RAB5B: variants seen among roughly 807,000 people sequenced by gnomAD.
The protein encoded by RAB5B is RAB5B, member RAS oncogene family, also known as ras-related protein Rab-5B.
Under a neutral mutation model 28.6 loss-of-function variants are expected in RAB5B, and 11 were observed. That is an observed-to-expected ratio of 0.38 (90% CI 0.24 to 0.64). The LOEUF is 0.64. Ranked by LOEUF, RAB5B falls within the 30% of genes least tolerant of loss-of-function variation. The probability of loss-of-function intolerance (pLI) is 0.53; values close to 1 mark genes in which losing one functional copy is unlikely to be tolerated. For synonymous variants in RAB5B, 93 were observed against 97.9 expected, an observed-to-expected ratio of 0.95 and a Z score of 0.29; for missense variants, 169 against 265.6, an observed-to-expected ratio of 0.64 and a Z score of 2.53.
At chr12:55,978,504 A>C (rs947538416) in intron 1 of RAB5B, among the ~76,000 whole-genome samples, 2 of 150,950 alleles carry the variant, frequency 1.3e-5, no homozygotes, top group Non-Finnish European at 3.0e-5. Context: ...ACTCCGTCTC[A>C]GGAAAAAAAA....
At chr12:55,986,307 C>T (rs754345831) in intron 1 of RAB5B, among the ~76,000 whole-genome samples, 3 of 152,078 alleles carry the variant, frequency 2.0e-5, no homozygotes, top group African/African-American at 7.2e-5. Context: ...ATTAGCCAGG[C>T]GTGGTGGTGC....
At chr12:55,989,674 G>A (rs558093459) in intron 2 of RAB5B, among the ~76,000 whole-genome samples, 1 of 152,204 alleles carries the variant, frequency 6.6e-6, no homozygotes, top group Non-Finnish European at 1.5e-5. Context: ...AGGATGACTC[G>A]TATAAGTGCC....
chr12:55,990,273 T>C, intron 3 of RAB5B, 175 bp downstream of exon 3: 1 of 659,564 alleles, frequency 1.5e-6, no homozygotes, highest in Non-Finnish European at 2.4e-6. Flanking sequence ...TTGGGCGTGG[T>C]GGTGCGCGCC....
At chr12:55,982,519 C>T (rs1308333232) in intron 1 of RAB5B, among the ~76,000 whole-genome samples, 5 of 152,042 alleles carry the variant, frequency 3.3e-5, no homozygotes, top group Admixed American at 2.6e-4. Flanking sequence ...GTCTCAAACT[C>T]CTGGGCTCAA....
chr12:55,983,269 G>A (rs192746099), intron 1 of RAB5B, among the ~76,000 whole-genome samples: 20 of 152,112 alleles, frequency 1.3e-4, no homozygotes, highest in African/African-American at 4.3e-4. Flanking sequence ...TAGTAGAGAC[G>A]GGGTTTCACT....
intron 1 of RAB5B, among the ~76,000 whole-genome samples, chr12:55,977,787 G>A (rs980640406): frequency 2.6e-5 from 4 of 152,194 alleles, no homozygotes; most frequent in Non-Finnish European, 4.4e-5. Context: ...TGAATAAGGA[G>A]CTACCCAGGT....
chr12:55,980,803 G>T, intron 1 of RAB5B: 1 of 1,579,374 alleles, frequency 6.3e-7, no homozygotes, highest in South Asian at 1.1e-5. Flanking sequence ...CTCCACGGTA[G>T]TAGGCAGTAG....
In RAB5B at chr12:55,988,335, C is replaced by CA. The variant is rs561031173; in HGVS notation, c.163+1221dup. On this transcript the variant is annotated intron_variant, in intron 2 of 5. Transcript: ENST00000360299. ...CGAAGGAGCGAGACTGTTTCAAAAA[C>CA]AAAAAAAAATCTGGTAAAATAGAGG... 2.9e-4 allele frequency among the ~76,000 whole-genome samples: 43 copies of CA among 150,584 alleles called. No individual in the cohort carries two copies. The East Asian group carries it at 5.4e-3, about 19-fold the overall frequency.
chr12:55,987,160 G>C, intron 2 of RAB5B, 37 bp downstream of exon 2: 1 of 1,556,064 alleles, frequency 6.4e-7, no homozygotes, highest in Non-Finnish European at 8.7e-7. Context: ...TGAATGTTTG[G>C]TAAGGGTTTT....
intron 3 of RAB5B, 52 bp from the exon 4 acceptor site, chr12:55,990,630 G>T: frequency 6.2e-7 from 1 of 1,605,104 alleles, no homozygotes; most frequent in Non-Finnish European, 8.5e-7. Flanking sequence ...AAAGGTGATG[G>T]ATATGGATTG....
intron 1 of RAB5B, chr12:55,980,879 A>G (rs887561049): frequency 2.5e-6 from 4 of 1,611,524 alleles, no homozygotes; most frequent in African/African-American, 2.7e-5. Context: ...CTTCCCCTCT[A>G]TATCCACAGT....
At chr12:55,983,282 A>G (rs915188187) in intron 1 of RAB5B, among the ~76,000 whole-genome samples, 4 of 152,148 alleles carry the variant, frequency 2.6e-5, no homozygotes, top group Non-Finnish European at 5.9e-5. Flanking sequence ...GTTTCACTAT[A>G]TGTTGGCCAG....
intron 1 of RAB5B, chr12:55,985,739 C>A (rs1248795320): frequency 4.4e-6 from 2 of 455,984 alleles, no homozygotes. Flanking sequence ...CCTTTCTCTG[C>A]CTCTAATTTG....
chr12:55,989,960 C>T lies in RAB5B; in HGVS notation c.177C>T (p.Thr59=), dbSNP rs777771216. Residue 59 remains threonine (T), a synonymous_variant, in exon 3 of 6, where the codon ACC becomes ACT. Transcript: ENST00000360299. ...QESTIGAAFL[T]QSVCLDDTTV... is the part of the protein sequence containing the mutation. Reference sequence around the variant, plus strand: ...TCTCATCCATAGCGGCCTTCCTCACCCAGTCCGTTTGTCTAGATGACACAA... The same window carrying T: ...TCTCATCCATAGCGGCCTTCCTCACTCAGTCCGTTTGTCTAGATGACACAA... 3.1e-6 allele frequency: 5 copies of T among 1,613,334 alleles called. No homozygotes were observed. The Admixed American group carries it at 6.7e-5, about 22-fold the overall frequency.
chr12:55,980,739 T>C, intron 1 of RAB5B: 1 of 1,580,294 alleles, frequency 6.3e-7, no homozygotes, highest in South Asian at 1.1e-5. Flanking sequence ...CAGTTCTGAA[T>C]ATTCTCGAAA....
In RAB5B at chr12:55,994,964, A is replaced by G. The variant is rs1890244102; in HGVS notation, c.*2752A>G. ...TAGATTGTTCATCAAATCAAACCCT[A>G]TTATATCTTTTTAGGCCCTCTTAAC... is the stretch of plus-strand genomic sequence containing the variant. On this transcript the variant is annotated 3_prime_UTR_variant, in exon 6 of 6. Transcript: ENST00000360299. 2.0e-5 allele frequency: 3 copies of G among 152,016 alleles called. No homozygotes were observed. The highest frequency in any genetic ancestry group is 2.0e-4 in the Admixed American group (3 of 15,260). The allele number at this position is 152,016 out of a possible 1,614,324, so 9.4% of individuals were successfully genotyped here.
At chr12:55,977,019 G>T (rs1003169945) in intron 1 of RAB5B, among the ~76,000 whole-genome samples, 1 of 152,122 alleles carries the variant, frequency 6.6e-6, no homozygotes, top group African/African-American at 2.4e-5. Context: ...TTGTCACCCA[G>T]GCTGGAGTGC....
Position 55,994,146 on chromosome 12 carries a change from T to C in RAB5B, c.*1934T>C, listed in dbSNP as rs1394206199. On this transcript the variant is annotated 3_prime_UTR_variant, in exon 6 of 6. Coordinates refer to ENST00000360299, the MANE Select transcript of RAB5B (RefSeq NM_002868.4). ...ACTTAGGCCTCAATTCCCTTCCTTT[T>C]CCAGGGGCAGCCTTAGTTCCCATGG... The C allele has an allele frequency of 6.6e-6, 1 of 152,564 alleles. No individual in the cohort carries two copies. Among genetic ancestry groups the C allele is most frequent in the Admixed American group, 6.5e-5 (1 of 15,270 alleles). 9.5% of individuals were successfully genotyped at this position (152,564 alleles called of 1,614,324 possible).
At chr12:55,988,935 C>CTTTTTTTTTT (rs35994383) in intron 2 of RAB5B, among the ~76,000 whole-genome samples, 34 of 94,670 alleles carry the variant, frequency 3.6e-4, no homozygotes, top group Non-Finnish European at 5.2e-4. Context: ...CTAATTAATT[C>CTTTTTTTTTT]TTTTTTTTTT....
Sources: allele counts gnomAD v4.1 joint callset (sites outside exome capture counted in the v4.1 genomes callset), GRCh38; gene constraint gnomAD v4.1.1; transcripts MANE v1.5; gene names NCBI Gene and HGNC (gene_info 2026-07-23, HGNC 2026-07-21).